MYOM1: variants seen among roughly 807,000 people sequenced by gnomAD.
The protein encoded by MYOM1 is myomesin-1.
A neutral mutation model predicts 205.3 loss-of-function variants in MYOM1; 164 were observed. The observed-to-expected ratio is 0.80, with a 90% CI of 0.70 to 0.91. The LOEUF is 0.91. Among genes scored for constraint, MYOM1 ranks in the 40% least tolerant of loss-of-function variants. The probability of loss-of-function intolerance (pLI) is 0.00; values close to 1 mark genes in which losing one functional copy is unlikely to be tolerated. For missense variants in MYOM1, 2,011 were observed against 2,127.3 expected, an observed-to-expected ratio of 0.95 and a Z score of 1.08; for synonymous variants, 772 against 789.4, an observed-to-expected ratio of 0.98 and a Z score of 0.37.
At chr18:3,194,110 G>T (rs2080959897) in intron 2 of MYOM1, among the ~76,000 whole-genome samples, 152 bp from the exon 3 acceptor site, 1 of 152,186 alleles carries the variant, frequency 6.6e-6, no homozygotes, top group Admixed American at 6.5e-5. Flanking sequence ...TTAAAGTAGA[G>T]TTAGAAAGAT....
intron 37 of MYOM1, among the ~76,000 whole-genome samples, chr18:3,068,901 A>G (rs1876807438): frequency 6.6e-6 from 1 of 152,178 alleles, no homozygotes; most frequent in African/African-American, 2.4e-5. Context: ...GCTGGAATGT[A>G]TGATAAATGC....
chr18:3,212,275 A>C (rs2081199846), intron 2 of MYOM1, among the ~76,000 whole-genome samples: 1 of 152,234 alleles, frequency 6.6e-6, no homozygotes, highest in Admixed American at 6.5e-5. Flanking sequence ...ACATAGTAGG[A>C]AGGAAAAAGT....
At chr18:3,105,308 C>T (rs974346924) in intron 22 of MYOM1, among the ~76,000 whole-genome samples, 4 of 152,150 alleles carry the variant, frequency 2.6e-5, no homozygotes, top group African/African-American at 9.7e-5. Flanking sequence ...AAAGGTGATA[C>T]TTACGGCTCT....
At chr18:3,118,859 C>T (rs75799366) in intron 20 of MYOM1, among the ~76,000 whole-genome samples, 1,892 of 152,166 alleles carry the variant, frequency 0.012, 41 homozygotes, top group African/African-American at 0.043. Context: ...GAGAGAGCAC[C>T]TGAACTGCTC....
chr18:3,240,759 T>C, the MYOM1 span, among the ~76,000 whole-genome samples: 1 of 151,988 alleles, frequency 6.6e-6, no homozygotes, highest in Admixed American at 6.6e-5. Context: ...GAGAGGAAAA[T>C]GTGGAAAAGT....
At chr18:3,067,682 G>T in intron 37 of MYOM1, 127 bp from the exon 38 acceptor site, 2 of 942,408 alleles carry the variant, frequency 2.1e-6, no homozygotes, top group Non-Finnish European at 3.1e-6. Context: ...CCGGACCAGG[G>T]TTTAAAGTAG....
chr18:3,112,237 G>T (rs904589299), intron 22 of MYOM1, 61 bp downstream of exon 22: 1 of 1,401,392 alleles, frequency 7.1e-7, no homozygotes, highest in South Asian at 1.2e-5. Context: ...CAGAAAGGCC[G>T]AACCTTAGTT....
intron 36 of MYOM1, among the ~76,000 whole-genome samples, chr18:3,072,699 TGG>T (rs202139421): frequency 1.3e-5 from 2 of 151,042 alleles, no homozygotes; most frequent in Non-Finnish European, 3.0e-5. Context: ...TGTGTGTGTG[TGG>T]GGGGCGGTGG....
chr18:3,176,487 T>C (rs1424669307), intron 5 of MYOM1, among the ~76,000 whole-genome samples: 1 of 152,134 alleles, frequency 6.6e-6, no homozygotes, highest in Non-Finnish European at 1.5e-5. Context: ...AAAAACTAAT[T>C]AATGCTACTA....
At chr18:3,073,389 C>G (rs116282111) in intron 36 of MYOM1, among the ~76,000 whole-genome samples, 1 of 152,168 alleles carries the variant, frequency 6.6e-6, no homozygotes, top group Non-Finnish European at 1.5e-5. Context: ...TCTCATTTTT[C>G]GGCCTGCTTC....
chr18:3,067,489 T>A lies in MYOM1; in HGVS notation c.4831A>T (p.Lys1611Ter). Reference sequence around the variant, plus strand: ...CAGTGGTCGTCTGAGGCCAGGGCCTTCTCGTTCTTCAACCACGACACCTCC... The same window carrying A: ...CAGTGGTCGTCTGAGGCCAGGGCCTACTCGTTCTTCAACCACGACACCTCC... The part of the protein sequence containing the change: ...PPEVSWLKNE[K>*]ALASDDHCNL... Residue 1611 changes from lysine to a stop codon, truncating the protein, a stop_gained, in exon 38 of 38, where the codon AAG becomes TAG. Coordinates refer to ENST00000356443, the MANE Select transcript of MYOM1 (RefSeq NM_003803.4). LOFTEE classifies it low-confidence loss of function (END_TRUNC). 6.2e-7 allele frequency: 1 copy of A among 1,613,838 alleles called. No individual in the cohort carries two copies. The highest frequency in any genetic ancestry group is 8.5e-7 in the Non-Finnish European group (1 of 1,179,898).
the MYOM1 span, among the ~76,000 whole-genome samples, chr18:3,236,779 G>A: frequency 6.6e-6 from 1 of 152,044 alleles, no homozygotes; most frequent in Admixed American, 6.6e-5. Flanking sequence ...CTATGAGAGT[G>A]GATGAGGTCA....
chr18:3,087,877 G>C (rs979562336), intron 29 of MYOM1, among the ~76,000 whole-genome samples: 6 of 152,106 alleles, frequency 3.9e-5, no homozygotes, highest in Non-Finnish European at 8.8e-5. Flanking sequence ...TGAATGATTC[G>C]CTGCGCATAC....
At chr18:3,067,749 T>C (rs532393078) in intron 37 of MYOM1, among the ~76,000 whole-genome samples, 194 bp from the exon 38 acceptor site, 1 of 152,354 alleles carries the variant, frequency 6.6e-6, no homozygotes, top group East Asian at 1.9e-4. Context: ...GGGGATCTCC[T>C]CAAGGCCTTT....
intron 4 of MYOM1, among the ~76,000 whole-genome samples, chr18:3,188,278 T>G (rs1291299594): frequency 6.6e-6 from 1 of 152,232 alleles, no homozygotes; most frequent in African/African-American, 2.4e-5. Flanking sequence ...TCTTTCTCCT[T>G]GTTTTCTTAC....
In MYOM1 at chr18:3,215,025, A is replaced by G. The variant is rs373871002; in HGVS notation, c.199T>C (p.Ser67Pro). The change falls in exon 2 of 38, where the codon TCC becomes CCC. Residue 67 changes from serine (S) to proline (P), a missense_variant. Physicochemically the swap from Ser to Pro is moderately conservative, Grantham distance 74. Coordinates refer to ENST00000356443, the MANE Select transcript of MYOM1 (RefSeq NM_003803.4). ...ESEAFRRASA[S>P]SSQQQASQHA... Reference sequence around the variant, plus strand: ...TGCGAGGCCTGCTGCTGGGAGGAGGAGGCGGACGCCCGACGGAAGGCCTCG... The same window carrying G: ...TGCGAGGCCTGCTGCTGGGAGGAGGGGGCGGACGCCCGACGGAAGGCCTCG... 1.2e-6 allele frequency: 2 copies of G among 1,612,278 alleles called. No homozygotes were observed. The highest frequency in any genetic ancestry group is 1.1e-5 in the South Asian group (1 of 90,980).
chr18:3,069,616 AG>A lies in MYOM1; in HGVS notation c.4765-2062del, dbSNP rs537950205. 1.4e-3 allele frequency among the ~76,000 whole-genome samples: 211 copies of A among 152,270 alleles called. 2 individuals carry two copies. Among genetic ancestry groups the A allele is most frequent in the African/African-American group, 4.6e-3 (193 of 41,526 alleles). On this transcript the variant is annotated intron_variant, in intron 37 of 37. Transcript: ENST00000356443. ...TATCCTTAAACTTAATGAGCAGATT[AG>A]GTATATGCTTTTGGAAACTGTGATT... is the stretch of plus-strand genomic sequence containing the variant.
chr18:3,241,245 T>C, the MYOM1 span, among the ~76,000 whole-genome samples: 1 of 152,212 alleles, frequency 6.6e-6, no homozygotes, highest in African/African-American at 2.4e-5. Flanking sequence ...GAGGTCTTCA[T>C]GGCAGCCCCT....
At chr18:3,218,432 C>T (rs1175348148) in intron 1 of MYOM1, among the ~76,000 whole-genome samples, 5 of 152,128 alleles carry the variant, frequency 3.3e-5, no homozygotes, top group Admixed American at 2.6e-4. Flanking sequence ...AACTTCACTC[C>T]AGAAATATTT....
Sources: gnomAD v4.1 joint callset for allele counts (sites outside exome capture counted in the v4.1 genomes callset) on GRCh38, gnomAD v4.1.1 for gene constraint, MANE v1.5 for transcripts, NCBI Gene and HGNC (gene_info 2026-07-23, HGNC 2026-07-21) for gene names.